PLEKHH1: variants seen among roughly 807,000 people sequenced by gnomAD.
The protein encoded by PLEKHH1 is pleckstrin homology, MyTH4 and FERM domain containing H1.
A neutral mutation model predicts 160.0 loss-of-function variants in PLEKHH1; 104 were observed. That is an observed-to-expected ratio of 0.65 (90% CI 0.55 to 0.76). PLEKHH1 has a LOEUF of 0.76. Ranked by LOEUF, PLEKHH1 falls within the 30% of genes least tolerant of loss-of-function variation. The probability of loss-of-function intolerance (pLI) is 0.00; values close to 1 mark genes in which losing one functional copy is unlikely to be tolerated. For missense variants in PLEKHH1, 1,427 were observed against 1,724.1 expected (o/e 0.83, Z 3.05); for synonymous variants, 619 against 678.4 (o/e 0.91, Z 1.36).
chr14:67,548,967 C>T (rs1471748033), intron 2 of PLEKHH1, among the ~76,000 whole-genome samples: 2 of 152,164 alleles, frequency 1.3e-5, no homozygotes, highest in Non-Finnish European at 2.9e-5. Flanking sequence ...ATGGATGTTG[C>T]TCCTTCCACC....
chr14:67,566,950 A>C (rs1175536635), intron 7 of PLEKHH1, among the ~76,000 whole-genome samples: 2 of 152,072 alleles, frequency 1.3e-5, no homozygotes, highest in Non-Finnish European at 1.5e-5. Context: ...AAGGGGATTA[A>C]GGTATTAAGG....
In PLEKHH1 at chr14:67,573,935, G is replaced by C; in HGVS notation, c.1926+48G>C. ...GTATTTTAAACAGAAGAGGTGCTGG[G>C]TTTGGATATGGCCGTGAGTGAGACA... On this transcript the variant is annotated intron_variant, in intron 13 of 28. Transcript: ENST00000329153. This position sits in a 1 kb window ranked among gnomAD's most constrained non-coding sequence, Gnocchi z 4.8. 7.3e-7 allele frequency: 1 copy of C among 1,365,240 alleles called. No individual in the cohort carries two copies. 84.6% of individuals were successfully genotyped at this position (1,365,240 alleles called of 1,614,324 possible). A position where few individuals can be genotyped will look rare whatever the true frequency, so the allele number is the denominator to read the frequency against.
In PLEKHH1 at chr14:67,569,954, C is replaced by T; in HGVS notation, c.1376C>T (p.Ser459Phe). 1.2e-6 allele frequency: 2 copies of T among 1,610,382 alleles called. No homozygotes were observed. Among genetic ancestry groups the T allele is most frequent in the Non-Finnish European group, 1.7e-6 (2 of 1,178,104 alleles). ...CCTCCTGCCCTTGTTTCCCCTGGGTCTTTCTCTGGCCTGGTCTACAAGAAT... is the reference window on the plus strand; with the variant it reads ...CCTCCTGCCCTTGTTTCCCCTGGGTTTTTCTCTGGCCTGGTCTACAAGAAT... ...SSPPALVSPG[S>F]FSGLVYKNVT... is the part of the protein sequence containing the mutation. The change falls in exon 9 of 29, where the codon TCT (serine) becomes TTT (phenylalanine). Residue 459 changes from serine (S) to phenylalanine (F), a missense_variant. Ser to Phe is a radical substitution (Grantham distance 155, BLOSUM62 -2). This residue lies in a region of PLEKHH1 where 831 missense variants were observed against 929.2 expected (regional missense o/e 0.89). Coordinates refer to ENST00000329153, the MANE Select transcript of PLEKHH1 (RefSeq NM_020715.3).
At position 67,575,876 on chromosome 14, in the gene PLEKHH1, A is replaced by G. The variant is rs201237683; in HGVS notation, c.2223A>G (p.Arg741=). The G allele has an allele frequency of 5.0e-6, 8 of 1,613,946 alleles. No homozygotes were observed. In the Admixed American group the frequency reaches 6.7e-5, roughly 13 times the overall value. ...ATGCGCACATAGAGGAAGTAGATCG[A>G]TCCTGTGACTCAGACGAGGACTATG... ...VRDAHIEEVD[R]SCDSDEDYEA... The change falls in exon 16 of 29, where the codon CGA becomes CGG. Residue 741 remains arginine, a synonymous_variant. Coordinates refer to ENST00000329153, the MANE Select transcript of PLEKHH1 (RefSeq NM_020715.3).
At position 67,572,214 on chromosome 14, in the gene PLEKHH1, A is replaced by G; in HGVS notation, c.1665A>G (p.Ser555=). The G allele has an allele frequency of 6.2e-7, 1 of 1,609,394 alleles. No individual in the cohort carries two copies. Residue 555 remains serine (S), a synonymous_variant, in exon 11 of 29, where the codon TCA becomes TCG. Transcript: ENST00000329153. ...PDACSLDSDY[S]EPEHKLQRTS... ...CCTGCTCACTGGACAGTGACTACTC[A>G]GAGCCTGAGCACAAACTGCAGCGCA...
At chr14:67,549,515 C>T (rs1317014895) in intron 2 of PLEKHH1, among the ~76,000 whole-genome samples, 3 of 152,164 alleles carry the variant, frequency 2.0e-5, no homozygotes, top group African/African-American at 7.2e-5. Context: ...AAGTGATCCG[C>T]CTGCCTCGGC....
At chr14:67,548,848 A>T (rs563998627) in intron 2 of PLEKHH1, among the ~76,000 whole-genome samples, 1 of 152,216 alleles carries the variant, frequency 6.6e-6, no homozygotes, top group African/African-American at 2.4e-5. Context: ...TCACCAGCCA[A>T]GGTTTTGGAG....
chr14:67,533,491 C>CGG (rs1460850229), intron 1 of PLEKHH1, 93 bp downstream of exon 1: 2 of 152,002 alleles, frequency 1.3e-5, no homozygotes, highest in South Asian at 2.1e-4. Context: ...CCCTCGGGCC[C>CGG]AGAGGACGAT....
Position 67,562,908 on chromosome 14 carries a change from T to G in PLEKHH1, c.1263+14T>G. ...TTTTCATCCTGGGTAAGAGGCAACC[T>G]CCGGGCTGGGCAGAGGAGCAGAGCT... On this transcript the variant is annotated intron_variant, in intron 7 of 28. Coordinates refer to ENST00000329153, the MANE Select transcript of PLEKHH1 (RefSeq NM_020715.3). 1 of 1,607,626 alleles carries G rather than the reference T, an allele frequency of 6.2e-7. No individual in the cohort carries two copies. Among genetic ancestry groups the G allele is most frequent in the Non-Finnish European group, 8.5e-7 (1 of 1,177,420 alleles).
intron 7 of PLEKHH1, among the ~76,000 whole-genome samples, chr14:67,567,192 C>CCT (rs1205263236): frequency 1.3e-5 from 2 of 152,032 alleles, no homozygotes; most frequent in Non-Finnish European, 2.9e-5. Context: ...AGAAGCCCAG[C>CCT]CTCTCTCTCT....
chr14:67,538,229 T>A lies in PLEKHH1; in HGVS notation c.-34-3605T>A, dbSNP rs141412599. 1.4e-3 allele frequency among the ~76,000 whole-genome samples: 217 copies of A among 152,326 alleles called. 1 individual carries two copies. The highest frequency in any genetic ancestry group is 6.8e-3 in the Middle Eastern group (2 of 294). ...TAGACTAGCCTGTTAGTATGAGATA[T>A]CTGCTACCACTACTGAAGCATCATC... On this transcript the variant is annotated intron_variant, in intron 1 of 28. Transcript: ENST00000329153.
Position 67,582,424 on chromosome 14 carries a change from C to A in PLEKHH1, c.3426+214C>A. 1 of 781,832 alleles carries A rather than the reference C, an allele frequency of 1.3e-6. No homozygotes were observed. Among genetic ancestry groups the A allele is most frequent in the South Asian group, 1.8e-5 (1 of 55,992 alleles). 48.4% of individuals were successfully genotyped at this position (781,832 alleles called of 1,614,324 possible). On this transcript the variant is annotated intron_variant, in intron 24 of 28. Transcript: ENST00000329153. This position sits in a 1 kb window ranked among gnomAD's most constrained non-coding sequence, Gnocchi z 5.0. ...GCGTGCAGATGGCTGGACTTGGAAT[C>A]CAGAGACCTGGGTTTGAGTCCTATA...
At position 67,537,349 on chromosome 14, in the gene PLEKHH1, T is replaced by A. The variant is rs1045664417; in HGVS notation, c.-35+3951T>A. Among the ~76,000 whole-genome samples the A allele has an allele frequency of 1.8e-4, 22 of 121,466 alleles. 2 individuals carry two copies. The highest frequency in any genetic ancestry group is 5.6e-4 in the African/African-American group (15 of 26,896). The allele number at this position is 121,466 out of a possible 152,430, so 79.7% of individuals were successfully genotyped here. On this transcript the variant is annotated intron_variant, in intron 1 of 28. Transcript: ENST00000329153. ...ACAGAGCGAGACTCCATCTCAAAAA[T>A]AATAATAATAATAATAATAATAATA... is the stretch of plus-strand genomic sequence containing the variant.
chr14:67,576,780 G>T lies in PLEKHH1; in HGVS notation c.2461+277G>T, dbSNP rs898373895. The stretch of plus-strand genomic sequence containing the variant: ...ATCAAGCTGCCCCGTTGCTGGCTGG[G>T]CAGAGGGCTGAGGAAAGAAGGTAGC... On this transcript the variant is annotated intron_variant, in intron 17 of 28. Transcript: ENST00000329153. This position sits in a 1 kb window ranked among gnomAD's most constrained non-coding sequence, Gnocchi z 4.0. 6.6e-6 allele frequency among the ~76,000 whole-genome samples: 1 copy of T among 152,186 alleles called. No homozygotes were observed. Among genetic ancestry groups the T allele is most frequent in the African/African-American group, 2.4e-5 (1 of 41,436 alleles).
At chr14:67,579,615 A>G in intron 21 of PLEKHH1, 106 bp from the exon 22 acceptor site, 1 of 1,128,266 alleles carries the variant, frequency 8.9e-7, no homozygotes. Flanking sequence ...GGCCTTTTGT[A>G]TTTGCCCTTG....
At chr14:67,583,640 A>G in intron 24 of PLEKHH1, 101 bp from the exon 25 acceptor site, 1 of 822,694 alleles carries the variant, frequency 1.2e-6, no homozygotes, top group Non-Finnish European at 1.9e-6. Flanking sequence ...CACCCCACCA[A>G]TAGGGTAATA....
At chr14:67,547,675 G>C (rs552072595) in intron 2 of PLEKHH1, among the ~76,000 whole-genome samples, 2 of 152,336 alleles carry the variant, frequency 1.3e-5, no homozygotes, top group East Asian at 3.9e-4. Context: ...TTCCCTGGGG[G>C]ACCATCTCTG....
At chr14:67,579,913 T>C in intron 22 of PLEKHH1, 37 bp downstream of exon 22, 1 of 1,551,164 alleles carries the variant, frequency 6.4e-7, no homozygotes, top group Admixed American at 1.9e-5. Context: ...AGCCCCTCCC[T>C]GCTCAGGGAT....
At chr14:67,572,006 C>T (rs1353997991) in intron 10 of PLEKHH1, 104 bp downstream of exon 10, 1 of 1,475,058 alleles carries the variant, frequency 6.8e-7, no homozygotes, top group South Asian at 1.3e-5. Context: ...GAGCTCGTGA[C>T]CCCCCAGCAG....
Sources: gnomAD v4.1 joint callset for allele counts (sites outside exome capture counted in the v4.1 genomes callset) on GRCh38, gnomAD v4.1.1 for gene constraint, gnomAD v4.1.1 regional missense constraint, Gnocchi (gnomAD v3.1) non-coding constraint, MANE v1.5 for transcripts, NCBI Gene and HGNC (gene_info 2026-07-23, HGNC 2026-07-21) for gene names.